The following ADARB1 variants were observed in gnomAD, a reference collection of about 807,000 sequenced individuals.
ADARB1 encodes adenosine deaminase RNA specific B1, also known as double-stranded RNA-specific editase 1.
A neutral mutation model predicts 52.4 loss-of-function variants in ADARB1; 10 were observed. The ratio of observed to expected loss-of-function variants is 0.19; its 90% CI spans 0.12 to 0.32. The LOEUF is 0.32. Among genes scored for constraint, ADARB1 ranks in the 10% least tolerant of loss-of-function variants. The probability of loss-of-function intolerance (pLI) is 1.00; values close to 1 mark genes in which losing one functional copy is unlikely to be tolerated. For missense variants in ADARB1, 643 were observed against 922.3 expected, an observed-to-expected ratio of 0.70 and a Z score of 3.92; for synonymous variants, 349 against 371.1, an observed-to-expected ratio of 0.94 and a Z score of 0.68.
In ADARB1 at chr21:45,106,001, A is replaced by G. The variant is rs115898677; in HGVS notation, c.-219-22401A>G. ...GTAAAACAACTGTAAAGGAATACCAACAATCTAGTGCAGAAATTCTTTTGT... is the reference window on the plus strand; with the variant it reads ...GTAAAACAACTGTAAAGGAATACCAGCAATCTAGTGCAGAAATTCTTTTGT... On this transcript the variant is annotated intron_variant, in intron 1 of 10. Transcript: ENST00000348831. 3.3e-3 allele frequency among the ~76,000 whole-genome samples: 502 copies of G among 152,348 alleles called. 4 individuals are homozygous for G. The highest frequency in any genetic ancestry group is 0.011 in the African/African-American group (460 of 41,572).
At chr21:45,156,996 A>G (rs916626511) in intron 2 of ADARB1, among the ~76,000 whole-genome samples, 4 of 152,206 alleles carry the variant, frequency 2.6e-5, no homozygotes, top group African/African-American at 9.6e-5. Context: ...GAGGGGCCCA[A>G]GTAAGGAAAG....
chr21:45,131,040 T>G (rs2088899425), intron 2 of ADARB1, among the ~76,000 whole-genome samples: 1 of 152,256 alleles, frequency 6.6e-6, no homozygotes, highest in Non-Finnish European at 1.5e-5. Context: ...ACTCATCTTT[T>G]TATTTTAAAA....
intron 3 of ADARB1, 31 bp from the exon 4 acceptor site, chr21:45,175,699 C>T: frequency 6.2e-7 from 1 of 1,607,682 alleles, no homozygotes; most frequent in Non-Finnish European, 8.5e-7. Context: ...GCAACGAAGG[C>T]ATTGTAAGTT....
At chr21:45,083,718 A>G (rs983085749) in intron 1 of ADARB1, among the ~76,000 whole-genome samples, 3 of 152,182 alleles carry the variant, frequency 2.0e-5, no homozygotes, top group Non-Finnish European at 2.9e-5. Context: ...TTTTTGCGAC[A>G]GCGTCTTGCT....
chr21:45,108,024 C>G lies in ADARB1; in HGVS notation c.-219-20378C>G, dbSNP rs557557780. Among the ~76,000 whole-genome samples, 3 of 152,232 alleles carry G rather than the reference C, an allele frequency of 2.0e-5. No homozygotes were observed. The South Asian group carries it at 6.2e-4, about 32-fold the overall frequency. ...TGCAATGAGCCATGATGGTGCCACTCCAGCCTCGGTGACAGAGCGAGACCC... is the reference window on the plus strand; with the variant it reads ...TGCAATGAGCCATGATGGTGCCACTGCAGCCTCGGTGACAGAGCGAGACCC... On this transcript the variant is annotated intron_variant, in intron 1 of 10. Coordinates refer to ENST00000348831, the MANE Select transcript of ADARB1 (RefSeq NM_001112.4).
chr21:45,106,793 A>G (rs2087279843), intron 1 of ADARB1, among the ~76,000 whole-genome samples: 1 of 152,292 alleles, frequency 6.6e-6, no homozygotes, highest in Non-Finnish European at 1.5e-5. Flanking sequence ...TGTCAGTTGT[A>G]TCTCCCCAAA....
At chr21:45,161,623 A>G (rs909608105) in intron 2 of ADARB1, among the ~76,000 whole-genome samples, 6 of 152,208 alleles carry the variant, frequency 3.9e-5, no homozygotes, top group Non-Finnish European at 8.8e-5. Context: ...TGCCATGCAC[A>G]CTGTGGATGG....
At chr21:45,152,485 C>T (rs1046833356) in intron 2 of ADARB1, 4 of 237,776 alleles carry the variant, frequency 1.7e-5, no homozygotes, top group East Asian at 2.6e-4. Flanking sequence ...GAGGCTCCCT[C>T]GTCGGTAGGG....
intron 2 of ADARB1, among the ~76,000 whole-genome samples, chr21:45,144,015 T>G (rs530687085): frequency 6.6e-6 from 1 of 152,366 alleles, no homozygotes; most frequent in East Asian, 1.9e-4. Context: ...TGTTCACTGA[T>G]GTATCTCAGG....
chr21:45,140,018 A>T (rs564778352), intron 2 of ADARB1, among the ~76,000 whole-genome samples: 7 of 133,494 alleles, frequency 5.2e-5, no homozygotes, highest in African/African-American at 1.7e-4. Context: ...ATCTCTACTC[A>T]CTGCAACCTC....
In ADARB1 at chr21:45,142,514, G is replaced by A. The variant is rs932556646; in HGVS notation, c.-48+13941G>A. Reference sequence around the variant, plus strand: ...TAAGGAATCTTAATTGAGAAAATAAGTAGTTGTGTTTTTTCTTTAACTGGG... The same window carrying A: ...TAAGGAATCTTAATTGAGAAAATAAATAGTTGTGTTTTTTCTTTAACTGGG... On this transcript the variant is annotated intron_variant, in intron 2 of 10. Coordinates refer to ENST00000348831, the MANE Select transcript of ADARB1 (RefSeq NM_001112.4). The surrounding 1 kb of genome is among the most constrained non-coding windows in gnomAD (Gnocchi z 4.0). 1.3e-5 allele frequency among the ~76,000 whole-genome samples: 2 copies of A among 151,730 alleles called. No individual in the cohort carries two copies. The highest frequency in any genetic ancestry group is 4.9e-5 in the African/African-American group (2 of 40,958).
chr21:45,083,689 A>G (rs2086233356), intron 1 of ADARB1, among the ~76,000 whole-genome samples: 1 of 152,194 alleles, frequency 6.6e-6, no homozygotes, highest in South Asian at 2.1e-4. Flanking sequence ...GCTTAAAGGA[A>G]TTACACATCT....
intron 2 of ADARB1, among the ~76,000 whole-genome samples, chr21:45,166,075 G>A (rs2091243391): frequency 6.6e-6 from 1 of 152,014 alleles, no homozygotes; most frequent in Non-Finnish European, 1.5e-5. Context: ...AAGTTCTGAT[G>A]CATCTTTAAT....
Position 45,134,818 on chromosome 21 carries a change from C to T in ADARB1, c.-48+6245C>T, listed in dbSNP as rs566433955. 3.6e-5 allele frequency: 19 copies of T among 534,122 alleles called. No individual in the cohort carries two copies. In the East Asian group the frequency reaches 6.0e-4, roughly 17 times the overall value. The allele number at this position is 534,122 out of a possible 1,614,324, so 33.1% of individuals were successfully genotyped here. On this transcript the variant is annotated intron_variant, in intron 2 of 10. Transcript: ENST00000348831. ...GTGATGAAGATCCCGAGGATGAAGA[C>T]GCCTTGCCAGCCAGGTCAGTGGGTG...
intron 2 of ADARB1, among the ~76,000 whole-genome samples, chr21:45,171,095 G>A (rs971274605): frequency 1.3e-5 from 2 of 152,250 alleles, no homozygotes; most frequent in East Asian, 3.8e-4. Context: ...TCTACCCAGA[G>A]TAAAGATAGA....
rs371402169 is a variant in ADARB1 at position 45,134,830 on chromosome 21, C to G, written c.-48+6257C>G. 4.5e-5 allele frequency: 24 copies of G among 534,142 alleles called. 1 individual carries two copies. The highest frequency in any genetic ancestry group is 2.7e-4 in the African/African-American group (14 of 51,886). The allele number at this position is 534,142 out of a possible 1,614,324, so 33.1% of individuals were successfully genotyped here. On this transcript the variant is annotated intron_variant, in intron 2 of 10. Coordinates refer to ENST00000348831, the MANE Select transcript of ADARB1 (RefSeq NM_001112.4). ...CCGAGGATGAAGACGCCTTGCCAGCCAGGTCAGTGGGTGATGGCATTTGTG... is the reference window on the plus strand; with the variant it reads ...CCGAGGATGAAGACGCCTTGCCAGCGAGGTCAGTGGGTGATGGCATTTGTG...
At chr21:45,185,692 C>T (rs2092080269) in intron 8 of ADARB1, among the ~76,000 whole-genome samples, 2 of 152,154 alleles carry the variant, frequency 1.3e-5, no homozygotes, top group South Asian at 4.1e-4. Flanking sequence ...AAACCCATTT[C>T]TTCAGATGGT....
chr21:45,171,588 C>A, intron 2 of ADARB1, 22 bp from the exon 3 acceptor site: 1 of 1,477,172 alleles, frequency 6.8e-7, no homozygotes, highest in Non-Finnish European at 9.5e-7. Flanking sequence ...ACACTAAATG[C>A]TATTTTCTTA....
intron 2 of ADARB1, among the ~76,000 whole-genome samples, chr21:45,147,070 C>G (rs1014852259): frequency 2.0e-5 from 3 of 152,170 alleles, no homozygotes; most frequent in African/African-American, 7.2e-5. Flanking sequence ...GTGACTAGGT[C>G]TTCTCAGCCA....
Sources: allele counts gnomAD v4.1 joint callset (sites outside exome capture counted in the v4.1 genomes callset), GRCh38; gene constraint gnomAD v4.1.1; non-coding constraint Gnocchi (gnomAD v3.1); transcripts MANE v1.5; gene names NCBI Gene and HGNC (gene_info 2026-07-23, HGNC 2026-07-21).